Variants in RAP1GDS1 observed in about 807,000 individuals in gnomAD.
The protein encoded by RAP1GDS1 is Rap1 GTPase-GDP dissociation stimulator 1.
A neutral mutation model predicts 71.1 loss-of-function variants in RAP1GDS1; 35 were observed. The ratio of observed to expected loss-of-function variants is 0.49; its 90% CI spans 0.38 to 0.65. RAP1GDS1 has a LOEUF of 0.65. RAP1GDS1 is among the 30% of genes least tolerant of loss of function. RAP1GDS1 has a pLI of 0.00. For missense variants in RAP1GDS1, 663 were observed against 706.1 expected (o/e 0.94, Z 0.69); for synonymous variants, 229 against 243.1 (o/e 0.94, Z 0.54).
chr4:98,355,530 C>T (rs1282509187), intron 4 of RAP1GDS1, among the ~76,000 whole-genome samples: 2 of 151,996 alleles, frequency 1.3e-5, no homozygotes, highest in Admixed American at 1.3e-4. Flanking sequence ...GGCCTGTTGG[C>T]TAAGATCAAG....
intron 11 of RAP1GDS1, among the ~76,000 whole-genome samples, chr4:98,420,891 TCAGAAC>T (rs1748754308): frequency 6.6e-6 from 1 of 152,170 alleles, no homozygotes; most frequent in Non-Finnish European, 1.5e-5. Flanking sequence ...GAAACAGCAG[TCAGAAC>T]CACTCCTAGG....
intron 2 of RAP1GDS1, among the ~76,000 whole-genome samples, chr4:98,341,219 G>A (rs181820961): frequency 6.6e-5 from 10 of 152,102 alleles, no homozygotes; most frequent in East Asian, 1.9e-4. Flanking sequence ...TTTCTAAATC[G>A]TAAATCAGAT....
At chr4:98,388,740 TTA>T (rs1743154540) in intron 5 of RAP1GDS1, among the ~76,000 whole-genome samples, 3 of 152,130 alleles carry the variant, frequency 2.0e-5, no homozygotes, top group African/African-American at 4.8e-5. Context: ...ATTTTTTTTT[TTA>T]AAATTAGGTA....
At position 98,404,728 on chromosome 4, in the gene RAP1GDS1, A is replaced by G. The variant is rs1250062726; in HGVS notation, c.763+126A>G. 5.1e-6 allele frequency: 6 copies of G among 1,184,470 alleles called. No homozygotes were observed. The South Asian group carries it at 5.9e-5, about 12-fold the overall frequency. The allele number at this position is 1,184,470 out of a possible 1,614,324, so 73.4% of individuals were successfully genotyped here. On this transcript the variant is annotated intron_variant, in intron 7 of 14. Transcript: ENST00000408927. ...TTATTAGTGATATGTTTTATTTTGC[A>G]TATCTCTAACTTTAGCTATGTTATC...
At chr4:98,304,935 G>T (rs745411927) in intron 2 of RAP1GDS1, among the ~76,000 whole-genome samples, 28 of 151,880 alleles carry the variant, frequency 1.8e-4, no homozygotes, top group Non-Finnish European at 3.4e-4. Context: ...TTCCCAGCAC[G>T]ATTTATTAAA....
In RAP1GDS1 at chr4:98,423,935, C is replaced by G. The variant is rs940067829; in HGVS notation, c.1440+2541C>G. 2.6e-5 allele frequency among the ~76,000 whole-genome samples: 4 copies of G among 152,084 alleles called. No homozygotes were observed. The South Asian group carries it at 6.2e-4, about 24-fold the overall frequency. On this transcript the variant is annotated intron_variant, in intron 12 of 14. Transcript: ENST00000408927. ...AATATATATGAGAGTTGATAAAGGA[C>G]TGAATTAAGGTTTTGAGTTGAGCAA...
chr4:98,435,953 C>G (rs1751068642), intron 13 of RAP1GDS1, among the ~76,000 whole-genome samples: 2 of 151,258 alleles, frequency 1.3e-5, no homozygotes, highest in African/African-American at 4.9e-5. Flanking sequence ...CTCCTGTAGT[C>G]CCAGCTACTT....
At chr4:98,282,363 T>G (rs916076668) in intron 1 of RAP1GDS1, among the ~76,000 whole-genome samples, 8 of 152,348 alleles carry the variant, frequency 5.3e-5, no homozygotes, top group Admixed American at 3.9e-4. Context: ...CAGGAATTTA[T>G]CCATTTCTTC....
chr4:98,374,947 TCACA>T (rs1386839787), intron 4 of RAP1GDS1, among the ~76,000 whole-genome samples: 1 of 152,130 alleles, frequency 6.6e-6, no homozygotes, highest in Non-Finnish European at 1.5e-5. Flanking sequence ...TAAACAATAC[TCACA>T]CACACAAAAA....
At chr4:98,352,201 T>C (rs1277275749) in intron 3 of RAP1GDS1, among the ~76,000 whole-genome samples, 3 of 152,058 alleles carry the variant, frequency 2.0e-5, no homozygotes, top group African/African-American at 7.2e-5. Flanking sequence ...AAATTAGTTG[T>C]GATGTAAGTT....
intron 3 of RAP1GDS1, among the ~76,000 whole-genome samples, chr4:98,344,920 G>C (rs993140795): frequency 6.6e-6 from 1 of 152,054 alleles, no homozygotes; most frequent in African/African-American, 2.4e-5. Context: ...GACCTCCCAG[G>C]GTCAAGCAAT....
intron 14 of RAP1GDS1, chr4:98,441,378 G>C: frequency 1.0e-6 from 1 of 985,084 alleles, no homozygotes; most frequent in Non-Finnish European, 1.2e-6. Flanking sequence ...AGGGAGTCCA[G>C]TGTCACAGAA....
intron 12 of RAP1GDS1, among the ~76,000 whole-genome samples, chr4:98,430,407 AG>A (rs1467345456): frequency 1.3e-5 from 2 of 152,226 alleles, no homozygotes; most frequent in African/African-American, 2.4e-5. Context: ...GTTCTATGTC[AG>A]AGCTGTTATT....
At chr4:98,313,874 C>T (rs1215423069) in intron 2 of RAP1GDS1, among the ~76,000 whole-genome samples, 1 of 152,036 alleles carries the variant, frequency 6.6e-6, no homozygotes, top group Non-Finnish European at 1.5e-5. Flanking sequence ...ACGATCATGT[C>T]CTACTTTTTA....
chr4:98,370,871 G>A (rs543926221), intron 4 of RAP1GDS1, among the ~76,000 whole-genome samples: 1 of 151,964 alleles, frequency 6.6e-6, no homozygotes, highest in African/African-American at 2.4e-5. Flanking sequence ...GCGCCCAGCT[G>A]TATTGAGGCT....
intron 2 of RAP1GDS1, among the ~76,000 whole-genome samples, chr4:98,297,473 C>T (rs749183803): frequency 3.9e-4 from 59 of 152,144 alleles, no homozygotes; most frequent in Non-Finnish European, 5.3e-4. Flanking sequence ...CTTTGTGTAT[C>T]TGTGTCACAT....
Position 98,414,169 on chromosome 4 carries a change from TG to T in RAP1GDS1, c.764-2575del, listed in dbSNP as rs1174092804. On this transcript the variant is annotated intron_variant, in intron 7 of 14. Coordinates refer to ENST00000408927, the MANE Select transcript of RAP1GDS1 (RefSeq NM_001100427.2). ...ATTTTCTCCCATTTTGTAGGTTGCCTGTTCACTCTGATGGTAGTTTCTTTTG... is the reference window on the plus strand; with the variant it reads ...ATTTTCTCCCATTTTGTAGGTTGCCTTTCACTCTGATGGTAGTTTCTTTTG... Among the ~76,000 whole-genome samples the T allele has an allele frequency of 2.1e-5, 3 of 143,416 alleles. No homozygotes were observed. The East Asian group carries it at 6.0e-4, about 29-fold the overall frequency. The allele number at this position is 143,416 out of a possible 152,430, so 94.1% of individuals were successfully genotyped here.
At chr4:98,305,842 T>G (rs1025090427) in intron 2 of RAP1GDS1, among the ~76,000 whole-genome samples, 1 of 152,206 alleles carries the variant, frequency 6.6e-6, no homozygotes, top group Non-Finnish European at 1.5e-5. Flanking sequence ...TTCTTAAGTT[T>G]GCTACATTTG....
At chr4:98,306,100 G>A (rs1005749740) in intron 2 of RAP1GDS1, among the ~76,000 whole-genome samples, 2 of 152,172 alleles carry the variant, frequency 1.3e-5, no homozygotes, top group African/African-American at 4.8e-5. Context: ...CCTATAGCCA[G>A]CTGTGGGAGT....
Sources: gnomAD v4.1 joint callset for allele counts (sites outside exome capture counted in the v4.1 genomes callset) on GRCh38, gnomAD v4.1.1 for gene constraint, MANE v1.5 for transcripts, NCBI Gene and HGNC (gene_info 2026-07-23, HGNC 2026-07-21) for gene names.